LYRM4: variants seen among roughly 807,000 people sequenced by gnomAD.
LYRM4 encodes the protein LYR motif-containing protein 4.
Under a neutral mutation model 11.7 loss-of-function variants are expected in LYRM4, and 9 were observed. The observed-to-expected ratio is 0.77, with a 90% CI of 0.46 to 1.34. The LOEUF (loss-of-function observed/expected upper bound fraction) is 1.34. LYRM4 is among the 40% of genes most tolerant of loss of function. The pLI is 0.00. For synonymous variants in LYRM4, 42 were observed against 40.4 expected, an observed-to-expected ratio of 1.04 and a Z score of -0.15; for missense variants, 133 against 112.5, an observed-to-expected ratio of 1.18 and a Z score of -0.82.
chr6:5,100,628 C>T (rs985875056), downstream of LYRM4, among the ~76,000 whole-genome samples: 4 of 152,186 alleles, frequency 2.6e-5, no homozygotes, highest in Non-Finnish European at 4.4e-5. Context: ...CCCCCAACTC[C>T]TGTTGTGAGG....
At chr6:5,154,805 C>T (rs1015379456) in intron 2 of LYRM4, among the ~76,000 whole-genome samples, 16 of 151,422 alleles carry the variant, frequency 1.1e-4, no homozygotes, top group South Asian at 2.1e-4. Flanking sequence ...GGCGACAGAG[C>T]GAGACTCCGT....
At chr6:5,098,614 T>C in the LYRM4 span, among the ~76,000 whole-genome samples, 2 of 152,056 alleles carry the variant, frequency 1.3e-5, no homozygotes. Context: ...GGTGGCATTA[T>C]CTGTCATAGT....
intron 2 of LYRM4, among the ~76,000 whole-genome samples, chr6:5,146,131 G>A (rs1485809044): frequency 6.6e-6 from 1 of 152,216 alleles, no homozygotes; most frequent in Non-Finnish European, 1.5e-5. Context: ...GCCTGCCTCA[G>A]CACGGGCTGT....
intron 2 of LYRM4, chr6:5,113,380 T>C (rs1448855160): frequency 4.6e-6 from 2 of 434,594 alleles, no homozygotes; most frequent in Non-Finnish European, 9.3e-6. Context: ...ATCACGCCAC[T>C]GCACTCCAGC....
At chr6:5,162,132 G>A (rs530377240) in intron 2 of LYRM4, among the ~76,000 whole-genome samples, 1 of 152,240 alleles carries the variant, frequency 6.6e-6, no homozygotes, top group African/African-American at 2.4e-5. Context: ...ACTATGAGAG[G>A]ACTGAGCACC....
intron 2 of LYRM4, among the ~76,000 whole-genome samples, chr6:5,196,108 G>T (rs1018272695): frequency 6.6e-6 from 1 of 152,134 alleles, no homozygotes; most frequent in African/African-American, 2.4e-5. Context: ...ACAGAGAGTG[G>T]TAAGAGTCAC....
At chr6:5,180,279 C>A (rs897334288) in intron 2 of LYRM4, among the ~76,000 whole-genome samples, 1 of 152,192 alleles carries the variant, frequency 6.6e-6, no homozygotes, top group African/African-American at 2.4e-5. Context: ...CAGGTGTACA[C>A]CGTGGCAGGA....
intron 2 of LYRM4, among the ~76,000 whole-genome samples, chr6:5,123,787 G>A (rs774478636): frequency 3.9e-5 from 6 of 152,350 alleles, no homozygotes; most frequent in Non-Finnish European, 5.9e-5. Flanking sequence ...CTCGGAGTAA[G>A]AGTTTGGGCT....
intron 2 of LYRM4, 128 bp downstream of exon 2, chr6:5,216,490 C>G: frequency 9.3e-7 from 1 of 1,070,580 alleles, no homozygotes; most frequent in South Asian, 1.4e-5. Context: ...TGTATTAGTA[C>G]AAGGAACAGA....
the LYRM4 span, among the ~76,000 whole-genome samples, chr6:5,050,865 G>T: frequency 2.0e-5 from 3 of 152,120 alleles, no homozygotes; most frequent in Admixed American, 6.6e-5. Flanking sequence ...AAGACTAGAT[G>T]GTAGACTTAC....
the LYRM4 span, among the ~76,000 whole-genome samples, chr6:5,097,278 G>C: frequency 2.0e-5 from 3 of 152,138 alleles, no homozygotes; most frequent in Non-Finnish European, 1.5e-5. Context: ...GTTTGAGACA[G>C]GGTCTTGTTC....
At chr6:5,074,903 G>C in the LYRM4 span, among the ~76,000 whole-genome samples, 1 of 152,136 alleles carries the variant, frequency 6.6e-6, no homozygotes, top group Non-Finnish European at 1.5e-5. Context: ...GTTGGAGGTG[G>C]AGCTTGGTGA....
intron 2 of LYRM4, among the ~76,000 whole-genome samples, chr6:5,117,266 C>G (rs55994182): frequency 0.014 from 2,202 of 152,294 alleles, 49 homozygotes; most frequent in African/African-American, 0.05. Context: ...TGTCAAGATG[C>G]GTATCATGGG....
At chr6:5,132,263 A>G (rs1581342131) in intron 2 of LYRM4, among the ~76,000 whole-genome samples, 1 of 152,200 alleles carries the variant, frequency 6.6e-6, no homozygotes, top group South Asian at 2.1e-4. Context: ...CCCTTGTCCT[A>G]TGCAATACAT....
intron 2 of LYRM4, among the ~76,000 whole-genome samples, chr6:5,115,364 G>C (rs778952686): frequency 2.6e-5 from 4 of 152,166 alleles, no homozygotes; most frequent in South Asian, 2.1e-4. Flanking sequence ...TTATCATGCC[G>C]CAGAACAAAC....
chr6:5,217,380 C>G (rs144460600), intron 1 of LYRM4, among the ~76,000 whole-genome samples: 131 of 152,350 alleles, frequency 8.6e-4, no homozygotes, highest in African/African-American at 2.8e-3. Flanking sequence ...AACCAGACAG[C>G]TCACTTGCAG....
chr6:5,154,903 A>G (rs1187857682), intron 2 of LYRM4, among the ~76,000 whole-genome samples: 1 of 152,172 alleles, frequency 6.6e-6, no homozygotes, highest in Non-Finnish European at 1.5e-5. Context: ...ACAGTGTCAG[A>G]GGGGGGCATC....
chr6:5,258,234 G>T (rs968235976), intron 1 of LYRM4, among the ~76,000 whole-genome samples: 4 of 152,200 alleles, frequency 2.6e-5, no homozygotes, highest in African/African-American at 9.7e-5. Flanking sequence ...TATAGGTCTT[G>T]CAAGAGAGTT....
the LYRM4 span, among the ~76,000 whole-genome samples, chr6:5,079,459 CAATT>C: frequency 2.6e-5 from 4 of 152,182 alleles, no homozygotes; most frequent in African/African-American, 9.6e-5. Flanking sequence ...AGCATCTTCT[CAATT>C]GCTTCCAGCT....
Sources: gnomAD v4.1 joint callset for allele counts (sites outside exome capture counted in the v4.1 genomes callset) on GRCh38, gnomAD v4.1.1 for gene constraint, MANE v1.5 for transcripts, NCBI Gene and HGNC (gene_info 2026-07-23, HGNC 2026-07-21) for gene names.